CADPS2: variants seen among roughly 807,000 people sequenced by gnomAD.
The protein encoded by CADPS2 is calcium-dependent secretion activator 2.
In CADPS2, 93 loss-of-function variants were observed where a neutral mutation model predicts 172.5. The ratio of observed to expected loss-of-function variants is 0.54; its 90% CI spans 0.46 to 0.64. The LOEUF (loss-of-function observed/expected upper bound fraction) is 0.64. Ranked by LOEUF, CADPS2 falls within the 30% of genes least tolerant of loss-of-function variation. The pLI, the probability that CADPS2 is intolerant of heterozygous loss-of-function variation, is 0.00. For synonymous variants in CADPS2, 546 were observed against 555.2 expected, an observed-to-expected ratio of 0.98 and a Z score of 0.23; for missense variants, 1,420 against 1,565.9, an observed-to-expected ratio of 0.91 and a Z score of 1.57.
chr7:122,480,904 G>C, intron 11 of CADPS2, 44 bp from the exon 12 acceptor site: 1 of 1,459,200 alleles, frequency 6.9e-7, no homozygotes, highest in South Asian at 1.3e-5. Flanking sequence ...TATTTAAATG[G>C]GTTGGGAACT....
chr7:122,596,234 T>C (rs761188007), intron 6 of CADPS2, among the ~76,000 whole-genome samples: 2 of 152,106 alleles, frequency 1.3e-5, no homozygotes, highest in African/African-American at 2.4e-5. Flanking sequence ...CTCAAGAACA[T>C]TTAAGCTCAT....
chr7:122,677,419 G>A (rs2082495473), intron 2 of CADPS2, among the ~76,000 whole-genome samples: 1 of 152,220 alleles, frequency 6.6e-6, no homozygotes, highest in Non-Finnish European at 1.5e-5. Flanking sequence ...GGGCCTGAGA[G>A]TACAGTGGAA....
intron 9 of CADPS2, among the ~76,000 whole-genome samples, chr7:122,500,718 G>C (rs915732685): frequency 6.6e-6 from 1 of 151,956 alleles, no homozygotes; most frequent in East Asian, 1.9e-4. Flanking sequence ...AATTAACAAA[G>C]AATCAAAAAC....
At chr7:122,652,153 C>G (rs1230564194) in intron 3 of CADPS2, among the ~76,000 whole-genome samples, 2 of 152,120 alleles carry the variant, frequency 1.3e-5, no homozygotes, top group Admixed American at 1.3e-4. Flanking sequence ...TTTACAACAG[C>G]ATTTTTTTCT....
At chr7:122,577,565 G>A (rs1369760483) in intron 7 of CADPS2, among the ~76,000 whole-genome samples, 1 of 152,148 alleles carries the variant, frequency 6.6e-6, no homozygotes, top group African/African-American at 2.4e-5. Context: ...GCTGACTAAA[G>A]AACATCTTGG....
At chr7:122,590,291 T>C (rs1207674199) in intron 6 of CADPS2, among the ~76,000 whole-genome samples, 1 of 151,922 alleles carries the variant, frequency 6.6e-6, no homozygotes, top group Non-Finnish European at 1.5e-5. Flanking sequence ...ACCAATGGAC[T>C]GGAACAGAGA....
intron 8 of CADPS2, among the ~76,000 whole-genome samples, chr7:122,547,074 G>GTT (rs5887102): frequency 1.2e-4 from 17 of 146,874 alleles, no homozygotes; most frequent in East Asian, 8.0e-4. Flanking sequence ...AATCTAGGGT[G>GTT]TTTTTTTTTT....
intron 6 of CADPS2, among the ~76,000 whole-genome samples, chr7:122,599,115 C>T (rs534440423): frequency 1.3e-5 from 2 of 152,196 alleles, no homozygotes; most frequent in Admixed American, 1.3e-4. Flanking sequence ...AGGAATGGGA[C>T]CTGCTCCTAG....
intron 1 of CADPS2, among the ~76,000 whole-genome samples, chr7:122,875,627 A>C (rs1332900687): frequency 1.3e-5 from 2 of 152,192 alleles, no homozygotes; most frequent in Admixed American, 6.5e-5. Flanking sequence ...CTAAAATTGG[A>C]AATCTATTAC....
At chr7:122,617,002 T>G (rs535545228) in intron 5 of CADPS2, among the ~76,000 whole-genome samples, 3 of 152,206 alleles carry the variant, frequency 2.0e-5, no homozygotes, top group Admixed American at 2.0e-4. Flanking sequence ...GTAGCACAAA[T>G]CTAGAAATCG....
intron 14 of CADPS2, among the ~76,000 whole-genome samples, chr7:122,463,281 A>T (rs1176304171): frequency 6.6e-6 from 1 of 152,114 alleles, no homozygotes; most frequent in African/African-American, 2.4e-5. Flanking sequence ...TTAGGTAAGA[A>T]ATCAGTTCTC....
chr7:122,558,447 G>C (rs147732289), intron 7 of CADPS2, among the ~76,000 whole-genome samples: 88 of 152,038 alleles, frequency 5.8e-4, no homozygotes, highest in African/African-American at 2.0e-3. Flanking sequence ...ATGCATTTCT[G>C]CTTCTTCTCA....
intron 1 of CADPS2, among the ~76,000 whole-genome samples, chr7:122,879,853 C>A (rs1020811754): frequency 2.0e-5 from 3 of 152,128 alleles, no homozygotes; most frequent in South Asian, 2.1e-4. Context: ...AAATGCAAAC[C>A]AACAACGTAC....
intron 1 of CADPS2, among the ~76,000 whole-genome samples, chr7:122,826,285 G>T (rs936441949): frequency 6.6e-6 from 1 of 152,162 alleles, no homozygotes; most frequent in Non-Finnish European, 1.5e-5. Flanking sequence ...ACTTAAGAAG[G>T]CAGTGTTCTC....
intron 6 of CADPS2, among the ~76,000 whole-genome samples, chr7:122,603,219 T>C (rs1293038349): frequency 6.6e-6 from 1 of 151,968 alleles, no homozygotes; most frequent in Non-Finnish European, 1.5e-5. Flanking sequence ...AAAAAAAAGA[T>C]TATAAAGTGC....
intron 1 of CADPS2, among the ~76,000 whole-genome samples, chr7:122,844,445 T>C (rs535408787): frequency 1.5e-4 from 23 of 152,286 alleles, no homozygotes; most frequent in African/African-American, 5.5e-4. Context: ...AAACGACATA[T>C]CTTTTCAATC....
intron 2 of CADPS2, among the ~76,000 whole-genome samples, chr7:122,680,829 C>T (rs529169272): frequency 1.6e-4 from 24 of 152,178 alleles, no homozygotes; most frequent in South Asian, 4.2e-4. Flanking sequence ...CACAGGCACA[C>T]GTATGTTTAT....
At chr7:122,559,921 T>G (rs1158582104) in intron 7 of CADPS2, among the ~76,000 whole-genome samples, 1 of 151,900 alleles carries the variant, frequency 6.6e-6, no homozygotes, top group African/African-American at 2.4e-5. Flanking sequence ...AAGTTTGTGA[T>G]GTACCAAATT....
chr7:122,591,023 A>C (rs1452442917), intron 6 of CADPS2, among the ~76,000 whole-genome samples: 1 of 151,912 alleles, frequency 6.6e-6, no homozygotes, highest in Non-Finnish European at 1.5e-5. Flanking sequence ...GACATACTAT[A>C]AAAGTATCTG....
Sources: gnomAD v4.1 joint callset for allele counts (sites outside exome capture counted in the v4.1 genomes callset) on GRCh38, gnomAD v4.1.1 for gene constraint, MANE v1.5 for transcripts, NCBI Gene and HGNC (gene_info 2026-07-23, HGNC 2026-07-21) for gene names.